Variants in SLC35D4 observed in about 807,000 individuals in gnomAD.
SLC35D4 encodes the protein UDP-N-acetylglucosamine transporter SLC35D4.
the SLC35D4 span, among the ~76,000 whole-genome samples, chr18:23,264,794 C>T: frequency 6.6e-6 from 1 of 152,054 alleles, no homozygotes; most frequent in Non-Finnish European, 1.5e-5. Flanking sequence ...ACAGGTGCAT[C>T]ACGCCACGCC....
chr18:23,242,785 A>AT, the SLC35D4 span, among the ~76,000 whole-genome samples: 1 of 152,164 alleles, frequency 6.6e-6, no homozygotes, highest in Non-Finnish European at 1.5e-5. Flanking sequence ...TAAAATGCCT[A>AT]TTTTTTATTT....
chr18:23,366,313 C>A, the SLC35D4 span, among the ~76,000 whole-genome samples: 1 of 152,230 alleles, frequency 6.6e-6, no homozygotes, highest in Non-Finnish European at 1.5e-5. Flanking sequence ...CTCTACAGTG[C>A]CTTCATGCTG....
At chr18:23,369,861 AC>A in the SLC35D4 span, among the ~76,000 whole-genome samples, 1 of 152,162 alleles carries the variant, frequency 6.6e-6, no homozygotes, top group African/African-American at 2.4e-5. Context: ...CTTTCCTTTA[AC>A]CCAACCACAG....
At chr18:23,332,991 C>T in the SLC35D4 span, among the ~76,000 whole-genome samples, 46 of 152,022 alleles carry the variant, frequency 3.0e-4, no homozygotes, top group South Asian at 5.8e-3. Flanking sequence ...TCTCCACAGC[C>T]GGTTATAAGA....
the SLC35D4 span, among the ~76,000 whole-genome samples, chr18:23,333,628 C>T: frequency 6.6e-6 from 1 of 152,216 alleles, no homozygotes; most frequent in Admixed American, 6.5e-5. Flanking sequence ...GAATGCAAGG[C>T]CTGAAGCTAC....
chr18:23,284,849 A>G, the SLC35D4 span, among the ~76,000 whole-genome samples: 1 of 151,990 alleles, frequency 6.6e-6, no homozygotes, highest in Non-Finnish European at 1.5e-5. Flanking sequence ...GGTCCTGTCT[A>G]CTCAGCCTTT....
the SLC35D4 span, among the ~76,000 whole-genome samples, chr18:23,390,282 CACT>C: frequency 6.6e-6 from 1 of 152,116 alleles, no homozygotes; most frequent in Admixed American, 6.5e-5. Flanking sequence ...TGCTCTTCAC[CACT>C]GTCAAGACTG....
At chr18:23,360,483 G>A in the SLC35D4 span, among the ~76,000 whole-genome samples, 1 of 152,168 alleles carries the variant, frequency 6.6e-6, no homozygotes, top group Non-Finnish European at 1.5e-5. Flanking sequence ...GCAACAACAT[G>A]AATGAATCTC....
chr18:23,363,083 A>T, the SLC35D4 span, among the ~76,000 whole-genome samples: 6 of 151,918 alleles, frequency 3.9e-5, no homozygotes, highest in Admixed American at 1.3e-4. Flanking sequence ...CGTCTCTACT[A>T]AAAATACAAA....
the SLC35D4 span, among the ~76,000 whole-genome samples, chr18:23,274,012 A>C: frequency 6.6e-6 from 1 of 152,138 alleles, no homozygotes; most frequent in African/African-American, 2.4e-5. Context: ...GGCTCACTGC[A>C]GCCTCAACCT....
chr18:23,316,575 C>T, the SLC35D4 span, among the ~76,000 whole-genome samples: 4 of 152,304 alleles, frequency 2.6e-5, no homozygotes, highest in South Asian at 8.3e-4. Flanking sequence ...AATATTGCCT[C>T]ATCAAAATAT....
the SLC35D4 span, among the ~76,000 whole-genome samples, chr18:23,299,644 G>A: frequency 1.3e-5 from 2 of 152,202 alleles, no homozygotes; most frequent in African/African-American, 4.8e-5. Context: ...TCCGGAGCAA[G>A]AGAGAACAAA....
the SLC35D4 span, among the ~76,000 whole-genome samples, chr18:23,243,700 G>A: frequency 4.0e-5 from 6 of 151,518 alleles, no homozygotes; most frequent in Non-Finnish European, 8.8e-5. Context: ...TGGCAAAACC[G>A]TCTCTACTAA....
the SLC35D4 span, among the ~76,000 whole-genome samples, chr18:23,306,542 G>A: frequency 6.6e-6 from 1 of 152,170 alleles, no homozygotes; most frequent in Non-Finnish European, 1.5e-5. Flanking sequence ...CCGACCTCAG[G>A]TGATCCACCC....
chr18:23,431,947 T>C, the SLC35D4 span, among the ~76,000 whole-genome samples: 1 of 152,156 alleles, frequency 6.6e-6, no homozygotes, highest in African/African-American at 2.4e-5. Flanking sequence ...AGTTTATATA[T>C]CTACTTTTTT....
At chr18:23,403,990 T>C in the SLC35D4 span, among the ~76,000 whole-genome samples, 1 of 151,898 alleles carries the variant, frequency 6.6e-6, no homozygotes, top group African/African-American at 2.4e-5. Context: ...CGGTGGCTCA[T>C]GTCTGTAGTC....
At chr18:23,358,637 T>A in the SLC35D4 span, among the ~76,000 whole-genome samples, 1 of 152,074 alleles carries the variant, frequency 6.6e-6, no homozygotes. Context: ...CTCCTAGAAT[T>A]AGCGAGTCCT....
the SLC35D4 span, among the ~76,000 whole-genome samples, chr18:23,428,684 A>AT: frequency 0.034 from 4,984 of 145,794 alleles, 100 homozygotes; most frequent in East Asian, 0.13. Context: ...TGCCTAGCTA[A>AT]TTTTTTTTTT....
chr18:23,378,938 A>G, the SLC35D4 span, among the ~76,000 whole-genome samples: 7 of 152,254 alleles, frequency 4.6e-5, no homozygotes, highest in South Asian at 1.5e-3. Context: ...TATTTTTGCA[A>G]CTTTAGACTC....
Sources: allele counts gnomAD v4.1 joint callset (sites outside exome capture counted in the v4.1 genomes callset), GRCh38; gene constraint gnomAD v4.1.1; transcripts MANE v1.5; gene names NCBI Gene and HGNC (gene_info 2026-07-23, HGNC 2026-07-21).